DCAF5: variants seen among roughly 807,000 people sequenced by gnomAD.
DCAF5 encodes DDB1- and CUL4-associated factor 5.
In DCAF5, 9 loss-of-function variants were observed where a neutral mutation model predicts 80.7. The observed-to-expected ratio is 0.11, with a 90% CI of 0.07 to 0.19. The LOEUF is 0.19. DCAF5 is among the 10% of genes least tolerant of loss of function. DCAF5 has a pLI of 1.00. For synonymous variants in DCAF5, 433 were observed against 461.9 expected, an observed-to-expected ratio of 0.94 and a Z score of 0.80; for missense variants, 842 against 1,205.7, an observed-to-expected ratio of 0.70 and a Z score of 4.47.
intron 6 of DCAF5, among the ~76,000 whole-genome samples, chr14:69,081,330 G>C (rs1054555061): frequency 6.6e-6 from 1 of 152,118 alleles, no homozygotes; most frequent in African/African-American, 2.4e-5. Context: ...TTGTGGGTAA[G>C]GTGGGAAATA....
intron 5 of DCAF5, among the ~76,000 whole-genome samples, chr14:69,105,136 T>TGGA (rs2040091997): frequency 6.6e-6 from 1 of 152,106 alleles, no homozygotes; most frequent in Non-Finnish European, 1.5e-5. Context: ...CACTCCTAGG[T>TGGA]GTAATATACC....
intron 5 of DCAF5, among the ~76,000 whole-genome samples, chr14:69,095,849 C>T (rs1428174024): frequency 2.0e-5 from 3 of 152,156 alleles, no homozygotes; most frequent in Non-Finnish European, 2.9e-5. Flanking sequence ...CATGAATTTC[C>T]TCATTGTTTC....
chr14:69,113,235 A>C (rs1455852670), intron 5 of DCAF5, among the ~76,000 whole-genome samples: 3 of 152,174 alleles, frequency 2.0e-5, no homozygotes, highest in Non-Finnish European at 4.4e-5. Flanking sequence ...CACTGCTCCA[A>C]GGAGATTATC....
At chr14:69,110,394 T>C (rs867032760) in intron 5 of DCAF5, among the ~76,000 whole-genome samples, 4 of 151,580 alleles carry the variant, frequency 2.6e-5, no homozygotes, top group South Asian at 2.1e-4. Context: ...GCCTCCCAAG[T>C]AGCTGGGATT....
Position 69,141,139 on chromosome 14 carries a change from T to TTTAA in DCAF5, c.214+11625_214+11626insTTAA, listed in dbSNP as rs34483517. ...ACAGAGCGAGACTCCATCTCAAATT[T>TTTAA]AAAAAAAAAAAAAAAAAAAAAAAAA... On this transcript the variant is annotated intron_variant, in intron 1 of 8. Coordinates refer to ENST00000341516, the MANE Select transcript of DCAF5 (RefSeq NM_003861.3). Among the ~76,000 whole-genome samples the TTTAA allele has an allele frequency of 5.0e-3, 295 of 59,412 alleles. 2 individuals carry two copies. Among genetic ancestry groups the TTTAA allele is most frequent in the African/African-American group, 0.015 (282 of 18,498 alleles). The allele number at this position is 59,412 out of a possible 152,430, so 39.0% of individuals were successfully genotyped here.
chr14:69,060,669 C>T (rs1326211388), intron 8 of DCAF5, among the ~76,000 whole-genome samples: 1 of 151,994 alleles, frequency 6.6e-6, no homozygotes, highest in East Asian at 1.9e-4. Context: ...GTAGCTGAGA[C>T]TACAGGCACA....
intron 1 of DCAF5, among the ~76,000 whole-genome samples, chr14:69,141,139 TAAAAAAA>T (rs11396838): frequency 0.057 from 3,359 of 59,424 alleles, 182 homozygotes; most frequent in African/African-American, 0.17. Flanking sequence ...ATCTCAAATT[TAAAAAAA>T]AAAAAAAAAA....
chr14:69,129,079 T>C (rs1033404865), intron 1 of DCAF5, among the ~76,000 whole-genome samples: 5 of 152,370 alleles, frequency 3.3e-5, no homozygotes, highest in South Asian at 2.1e-4. Context: ...TAGGCATTTA[T>C]AGGATGATTT....
In DCAF5 at chr14:69,053,634, A is replaced by AT. The variant is rs1016004277; in HGVS notation, c.*222dup. 295 of 477,724 alleles carry AT rather than the reference A, an allele frequency of 6.2e-4. No homozygotes were observed. The highest frequency in any genetic ancestry group is 7.8e-4 in the Non-Finnish European group (222 of 284,432). 29.6% of individuals were successfully genotyped at this position (477,724 alleles called of 1,614,324 possible). The stretch of plus-strand genomic sequence containing the variant: ...TCACTAGAAAGGAGTCACTTGGGTT[A>AT]TTTTTTTTTCCCCTTTCTTAACACA... On this transcript the variant is annotated 3_prime_UTR_variant, in exon 9 of 9. Coordinates refer to ENST00000341516, the MANE Select transcript of DCAF5 (RefSeq NM_003861.3).
chr14:69,084,347 T>C (rs2039235588), intron 6 of DCAF5: 2 of 944,410 alleles, frequency 2.1e-6, no homozygotes, highest in East Asian at 2.4e-5. Context: ...AGGGTTTATG[T>C]ATAAAAATCT....
chr14:69,114,139 A>C (rs2040465218), intron 5 of DCAF5, among the ~76,000 whole-genome samples: 1 of 152,224 alleles, frequency 6.6e-6, no homozygotes, highest in African/African-American at 2.4e-5. Flanking sequence ...GCAGATTTGT[A>C]AGTTAGTACA....
rs374855442 is a variant in DCAF5, at chr14:69,054,798, T to C, written c.1888A>G (p.Thr630Ala). The change falls in exon 9 of 9, where the codon ACC becomes GCC. Residue 630 changes from threonine to alanine, a missense_variant. Physicochemically the swap from Thr to Ala is moderately conservative, Grantham distance 58. Transcript: ENST00000341516. ...GAAGTGCTCCGCTCAGGGGACGAGG[T>C]TGGGGAGGAGGAGAGGTCATCCACT... is the stretch of plus-strand genomic sequence containing the variant. ...IKVDDLSSSP[T>A]SSPERSTSTL... is the part of the protein sequence containing the mutation. 35 of 1,613,968 alleles carry C rather than the reference T, an allele frequency of 2.2e-5. No homozygotes were observed. The highest frequency in any genetic ancestry group is 1.9e-4 in the African/African-American group (14 of 74,892).
At chr14:69,086,006 G>C (rs1180706678) in intron 6 of DCAF5, among the ~76,000 whole-genome samples, 1 of 152,182 alleles carries the variant, frequency 6.6e-6, no homozygotes, top group Non-Finnish European at 1.5e-5. Context: ...GTCGGCCTCA[G>C]TTTCACGTGA....
chr14:69,105,916 T>TTC (rs1271526934), intron 5 of DCAF5, among the ~76,000 whole-genome samples: 3 of 25,460 alleles, frequency 1.2e-4, no homozygotes, highest in African/African-American at 3.2e-4. Flanking sequence ...TAAACTGTCA[T>TTC]ATATATATAT....
At chr14:69,079,077 C>T (rs2039004815) in intron 6 of DCAF5, among the ~76,000 whole-genome samples, 1 of 135,998 alleles carries the variant, frequency 7.4e-6, no homozygotes, top group African/African-American at 2.5e-5. Flanking sequence ...ATTCCTGCTA[C>T]CCTGCCCCCC....
At position 69,053,957 on chromosome 14, in the gene DCAF5, C is replaced by T. The variant is rs2037845754; in HGVS notation, c.2729G>A (p.Ser910Asn). 6.2e-7 allele frequency: 1 copy of T among 1,613,094 alleles called. No homozygotes were observed. Among genetic ancestry groups the T allele is most frequent in the African/African-American group, 1.3e-5 (1 of 74,900 alleles). Reference sequence around the variant, plus strand: ...GCCACTGTGGCCATGAACAGCCCTGCTACTATCTGTGGCTGGGGTGTCAGT... The same window carrying T: ...GCCACTGTGGCCATGAACAGCCCTGTTACTATCTGTGGCTGGGGTGTCAGT... ...DPTDTPATDS[S>N]RAVHGHSGLK... is the part of the protein sequence containing the mutation. The change falls in exon 9 of 9, where the codon AGC becomes AAC. Residue 910 changes from serine (S) to asparagine (N), a missense_variant. Around this residue, in one of 5 missense-constraint regions of DCAF5, gnomAD observed 607 missense variants for 656.6 expected, o/e 0.92. Coordinates refer to ENST00000341516, the MANE Select transcript of DCAF5 (RefSeq NM_003861.3).
In DCAF5 at chr14:69,153,022, C is replaced by T; in HGVS notation, c.-44G>A. On this transcript the variant is annotated 5_prime_UTR_variant, in exon 1 of 9. Coordinates refer to ENST00000341516, the MANE Select transcript of DCAF5 (RefSeq NM_003861.3). ...GCCGCTCGCGCCGCCGCCCCTCCCT[C>T]GGCCTCACGCGCGGCCGCTGCTCCC... The T allele has an allele frequency of 7.0e-7, 1 of 1,435,928 alleles. No homozygotes were observed. The highest frequency in any genetic ancestry group is 9.1e-7 in the Non-Finnish European group (1 of 1,095,186). The allele number at this position is 1,435,928 out of a possible 1,614,324, so 88.9% of individuals were successfully genotyped here. A position where few individuals can be genotyped will look rare whatever the true frequency, so the allele number is the denominator to read the frequency against.
chr14:69,104,726 G>A (rs979209080), intron 5 of DCAF5, among the ~76,000 whole-genome samples: 4 of 151,872 alleles, frequency 2.6e-5, no homozygotes, highest in Non-Finnish European at 5.9e-5. Flanking sequence ...GTGTAGCAGC[G>A]GGCGCCTGTA....
intron 4 of DCAF5, among the ~76,000 whole-genome samples, chr14:69,117,086 G>T (rs1342322156): frequency 2.0e-5 from 3 of 152,184 alleles, no homozygotes; most frequent in Non-Finnish European, 4.4e-5. Context: ...TTCCAAGTGA[G>T]GAAGAAATCA....
Sources: gnomAD v4.1 joint callset for allele counts (sites outside exome capture counted in the v4.1 genomes callset) on GRCh38, gnomAD v4.1.1 for gene constraint, gnomAD v4.1.1 regional missense constraint, MANE v1.5 for transcripts, NCBI Gene and HGNC (gene_info 2026-07-23, HGNC 2026-07-21) for gene names.